The following ANXA5 variants were observed in gnomAD, a reference collection of about 807,000 sequenced individuals.
ANXA5 encodes CBP-I.
A neutral mutation model predicts 48.1 loss-of-function variants in ANXA5; 40 were observed. The ratio of observed to expected loss-of-function variants is 0.83; its 90% CI spans 0.65 to 1.08. The LOEUF (loss-of-function observed/expected upper bound fraction) is 1.08. ANXA5 is among the 50% of genes least tolerant of loss of function. The pLI is 0.00. For missense variants in ANXA5, 357 were observed against 376.8 expected, an observed-to-expected ratio of 0.95 and a Z score of 0.44; for synonymous variants, 113 against 129.1, an observed-to-expected ratio of 0.88 and a Z score of 0.85.
intron 2 of ANXA5, among the ~76,000 whole-genome samples, chr4:121,695,199 T>C (rs1725057441): frequency 6.6e-6 from 1 of 152,232 alleles, no homozygotes; most frequent in South Asian, 2.1e-4. Context: ...AAAAGTATCC[T>C]TTCTATGGAG....
intron 11 of ANXA5, 93 bp from the exon 12 acceptor site, chr4:121,669,817 T>C: frequency 1.3e-6 from 2 of 1,506,704 alleles, no homozygotes; most frequent in Non-Finnish European, 1.8e-6. Flanking sequence ...CAATAAGGTA[T>C]AACAATTTAG....
chr4:121,684,325 T>C (rs529380994), intron 4 of ANXA5, among the ~76,000 whole-genome samples: 4 of 152,216 alleles, frequency 2.6e-5, no homozygotes, highest in Non-Finnish European at 5.9e-5. Context: ...TGTGACTGTG[T>C]TAAAACAAAA....
chr4:121,677,947 T>C lies in ANXA5; in HGVS notation c.478A>G (p.Asn160Asp). 6.2e-7 allele frequency: 1 copy of C among 1,613,686 alleles called. No homozygotes were observed. ...TCAATTCCAGCATCAGGGTCTCTGT[T>C]AGCCTATGAGAGGTAATATGTCACA... ...QRMLVVLLQA[N>D]RDPDAGIDEA... is the part of the protein sequence containing the mutation. Residue 160 changes from asparagine to aspartate, a missense_variant, in exon 8 of 13, where the codon AAC becomes GAC. Transcript: ENST00000296511.
chr4:121,686,916 T>C (rs1395137070), intron 2 of ANXA5, among the ~76,000 whole-genome samples: 2 of 152,238 alleles, frequency 1.3e-5, no homozygotes, highest in Admixed American at 6.5e-5. Flanking sequence ...TAAAGGTGTA[T>C]TGGAAGACAT....
At chr4:121,680,518 A>G (rs1218194348) in intron 6 of ANXA5, among the ~76,000 whole-genome samples, 1 of 152,176 alleles carries the variant, frequency 6.6e-6, no homozygotes, top group African/African-American at 2.4e-5. Flanking sequence ...CCCACTGAGG[A>G]GACTGCACAC....
chr4:121,677,912 T>C lies in ANXA5; in HGVS notation c.513A>G (p.Gln171=), dbSNP rs1247301395. ...RDPDAGIDEA[Q]VEQDAQALFQ... ...CACTCACCTGAGCATCTTGTTCAAC[T>C]TGAGCTTCATCAATTCCAGCATCAG... The change falls in exon 8 of 13, where the codon CAA becomes CAG. Residue 171 remains glutamine, a synonymous_variant. Coordinates refer to ENST00000296511, the MANE Select transcript of ANXA5 (RefSeq NM_001154.4). 1 of 1,613,832 alleles carries C rather than the reference T, an allele frequency of 6.2e-7. No homozygotes were observed. Among genetic ancestry groups the C allele is most frequent in the South Asian group, 1.1e-5 (1 of 91,072 alleles).
intron 3 of ANXA5, 21 bp from the exon 4 acceptor site, chr4:121,684,792 T>C: frequency 6.2e-7 from 1 of 1,609,150 alleles, no homozygotes; most frequent in Non-Finnish European, 8.5e-7. Context: ...TGGTTAACAA[T>C]TACATTTTGG....
At chr4:121,679,265 T>G (rs908478517) in intron 6 of ANXA5, among the ~76,000 whole-genome samples, 1 of 152,200 alleles carries the variant, frequency 6.6e-6, no homozygotes, top group African/African-American at 2.4e-5. Context: ...GAATCTTTAA[T>G]TCTTTCTTCT....
chr4:121,683,216 G>T, intron 5 of ANXA5, 148 bp downstream of exon 5: 1 of 460,392 alleles, frequency 2.2e-6, no homozygotes, highest in Non-Finnish European at 3.9e-6. Context: ...CTCCTTTACT[G>T]CTTATTGCCT....
At chr4:121,681,130 G>A (rs542124472) in intron 6 of ANXA5, among the ~76,000 whole-genome samples, 14 of 152,162 alleles carry the variant, frequency 9.2e-5, no homozygotes, top group South Asian at 4.2e-4. Context: ...ATTTTAGGCC[G>A]AAATGCAGAT....
chr4:121,676,798 A>T (rs537979423), intron 8 of ANXA5, among the ~76,000 whole-genome samples: 12 of 152,154 alleles, frequency 7.9e-5, no homozygotes, highest in African/African-American at 2.6e-4. Context: ...GGGCAGAGAG[A>T]GCATGTGAGA....
rs115933947 is a variant in ANXA5, at chr4:121,679,750, T to C, written c.395-1256A>G. Among the ~76,000 whole-genome samples, 1,153 of 152,274 alleles carry C rather than the reference T, an allele frequency of 7.6e-3. 15 individuals carry two copies. The highest frequency in any genetic ancestry group is 0.027 in the African/African-American group (1,103 of 41,540). On this transcript the variant is annotated intron_variant, in intron 6 of 12. Transcript: ENST00000296511. ...TCTTTTTTTCCCAGCTTTATTGAGT[T>C]ATGATGGACAAATAAAAATTGTATA...
rs1724583265 is a variant in ANXA5, at chr4:121,669,803, G to A, written c.781-79C>T. The A allele has an allele frequency of 2.6e-6, 4 of 1,527,140 alleles. No homozygotes were observed. In the South Asian group the frequency reaches 3.6e-5, roughly 14 times the overall value. 94.6% of individuals were successfully genotyped at this position (1,527,140 alleles called of 1,614,324 possible). The stretch of plus-strand genomic sequence containing the variant: ...GGATCAAATGCTCCCGGGTGCGGGT[G>A]AATCAATAAGGTATAACAATTTAGT... On this transcript the variant is annotated intron_variant, in intron 11 of 12. Transcript: ENST00000296511.
rs1386296744 is a variant in ANXA5, at chr4:121,681,732, T to G, written c.333A>C (p.Thr111=). ...CAGGTGTCCTTGAAGCAATAATTTC[T>G]GTCAGTACTTTTTCATTTGTTCCAG... The part of the protein sequence containing the change: ...KGAGTNEKVL[T]EIIASRTPEE... The change falls in exon 6 of 13, where the codon ACA becomes ACC. Residue 111 remains threonine (T), a synonymous_variant. Transcript: ENST00000296511. 6.2e-7 allele frequency: 1 copy of G among 1,612,818 alleles called. No individual in the cohort carries two copies. Among genetic ancestry groups the G allele is most frequent in the East Asian group, 2.2e-5 (1 of 44,782 alleles).
At chr4:121,691,272 C>A (rs1390108793) in intron 2 of ANXA5, among the ~76,000 whole-genome samples, 3 of 151,098 alleles carry the variant, frequency 2.0e-5, no homozygotes, top group Admixed American at 2.0e-4. Flanking sequence ...ATTTTGTTGG[C>A]TTTTTTTTTC....
At chr4:121,670,280 T>C (rs1045474701) in intron 10 of ANXA5, among the ~76,000 whole-genome samples, 2 of 152,234 alleles carry the variant, frequency 1.3e-5, no homozygotes, top group African/African-American at 4.8e-5. Context: ...CTTGGTTCTG[T>C]GAAGACTTTT....
At chr4:121,680,853 G>C (rs1356823739) in intron 6 of ANXA5, among the ~76,000 whole-genome samples, 1 of 152,174 alleles carries the variant, frequency 6.6e-6, no homozygotes, top group Non-Finnish European at 1.5e-5. Flanking sequence ...CCTTTAGAAA[G>C]GTAATTATAC....
intron 6 of ANXA5, 70 bp from the exon 7 acceptor site, chr4:121,678,564 C>A: frequency 8.2e-7 from 1 of 1,219,968 alleles, no homozygotes; most frequent in South Asian, 1.3e-5. Context: ...CCCCATTAAT[C>A]AAATGAAAGC....
intron 4 of ANXA5, among the ~76,000 whole-genome samples, chr4:121,684,178 T>C (rs1196951528): frequency 6.6e-6 from 1 of 151,734 alleles, no homozygotes; most frequent in Non-Finnish European, 1.5e-5. Flanking sequence ...ATGCACTAAT[T>C]CATTTAAATT....
Sources: allele counts gnomAD v4.1 joint callset (sites outside exome capture counted in the v4.1 genomes callset), GRCh38; gene constraint gnomAD v4.1.1; transcripts MANE v1.5; gene names NCBI Gene and HGNC (gene_info 2026-07-23, HGNC 2026-07-21).